The following FARS2 variants were observed in gnomAD, a reference collection of about 807,000 sequenced individuals.
FARS2 encodes phenylalanyl-tRNA synthetase 2, mitochondrial, also known as phenylalanine--tRNA ligase, mitochondrial.
A neutral mutation model predicts 46.4 loss-of-function variants in FARS2; 40 were observed. The observed-to-expected ratio is 0.86, with a 90% CI of 0.67 to 1.12. The LOEUF (loss-of-function observed/expected upper bound fraction) is 1.12, where lower values mean the gene tolerates loss of function less well. Ranked by LOEUF, FARS2 falls within the 50% of genes most tolerant of loss-of-function variation. The pLI is 0.00. For missense variants in FARS2, 513 were observed against 567.9 expected, an observed-to-expected ratio of 0.90 and a Z score of 0.98; for synonymous variants, 234 against 214.9, an observed-to-expected ratio of 1.09 and a Z score of -0.78.
intron 1 of FARS2, among the ~76,000 whole-genome samples, chr6:5,325,887 A>G (rs1281585247): frequency 6.6e-6 from 1 of 152,216 alleles, no homozygotes; most frequent in Non-Finnish European, 1.5e-5. Flanking sequence ...AATTTTAAGC[A>G]TCACTAATAT....
intron 1 of FARS2, among the ~76,000 whole-genome samples, chr6:5,299,045 T>C (rs1768098446): frequency 1.3e-5 from 2 of 152,210 alleles, no homozygotes; most frequent in East Asian, 3.8e-4. Flanking sequence ...AATGATATAG[T>C]GTGGGTTGCT....
intron 1 of FARS2, among the ~76,000 whole-genome samples, chr6:5,297,508 T>TGTG (rs544542714): frequency 4.6e-5 from 7 of 152,042 alleles, no homozygotes; most frequent in Non-Finnish European, 1.0e-4. Context: ...ATTAGCCGGC[T>TGTG]GTGGTGGTGG....
intron 4 of FARS2, among the ~76,000 whole-genome samples, chr6:5,496,021 C>G (rs1374282503): frequency 6.6e-6 from 1 of 152,152 alleles, no homozygotes; most frequent in Admixed American, 6.5e-5. Context: ...TTACTATGAC[C>G]TGCTTTTCCC....
chr6:5,337,661 TTTTA>T (rs1159452688), intron 1 of FARS2, among the ~76,000 whole-genome samples: 1 of 152,196 alleles, frequency 6.6e-6, no homozygotes, highest in Non-Finnish European at 1.5e-5. Context: ...TTCACCAAGC[TTTTA>T]TTTGTTCTAA....
intron 1 of FARS2, among the ~76,000 whole-genome samples, chr6:5,268,418 A>G (rs1191354867): frequency 2.6e-5 from 4 of 152,240 alleles, no homozygotes; most frequent in Admixed American, 1.3e-4. Flanking sequence ...CAGCTTCTAC[A>G]TATGGCTAGC....
intron 1 of FARS2, among the ~76,000 whole-genome samples, chr6:5,344,940 A>G (rs1459247520): frequency 6.6e-6 from 1 of 151,644 alleles, no homozygotes; most frequent in Non-Finnish European, 1.5e-5. Context: ...CAGGTGCGTA[A>G]CACCACACCT....
chr6:5,690,133 G>A (rs1464572329), intron 6 of FARS2, among the ~76,000 whole-genome samples: 2 of 152,028 alleles, frequency 1.3e-5, no homozygotes, highest in South Asian at 4.1e-4. Flanking sequence ...CACACTGATG[G>A]GTCTTGACTT....
At chr6:5,578,830 AAAAC>A (rs1404285691) in intron 5 of FARS2, among the ~76,000 whole-genome samples, 5 of 60,786 alleles carry the variant, frequency 8.2e-5, no homozygotes, top group South Asian at 9.1e-4. Flanking sequence ...AAAAAAAAAA[AAAAC>A]AAAAAAAAAA....
At chr6:5,302,985 G>C (rs1177275094) in intron 1 of FARS2, among the ~76,000 whole-genome samples, 2 of 152,196 alleles carry the variant, frequency 1.3e-5, no homozygotes, top group African/African-American at 4.8e-5. Context: ...GCATTCATAA[G>C]TGTCAGATAC....
chr6:5,629,475 A>G (rs1309268680), intron 6 of FARS2, among the ~76,000 whole-genome samples: 1 of 152,152 alleles, frequency 6.6e-6, no homozygotes, highest in Non-Finnish European at 1.5e-5. Context: ...GCCCACGTAT[A>G]CAGACAGAAA....
At chr6:5,665,882 T>C (rs1195219626) in intron 6 of FARS2, among the ~76,000 whole-genome samples, 1 of 152,202 alleles carries the variant, frequency 6.6e-6, no homozygotes, top group Non-Finnish European at 1.5e-5. Context: ...AGCTTTCTGC[T>C]TCCTTTTTAG....
intron 4 of FARS2, among the ~76,000 whole-genome samples, chr6:5,489,593 A>C (rs1244697780): frequency 1.3e-5 from 2 of 152,098 alleles, no homozygotes; most frequent in African/African-American, 4.8e-5. Flanking sequence ...AGTCAGTTCA[A>C]CCCTTGTAAT....
chr6:5,706,112 A>G (rs1758739428), intron 6 of FARS2, among the ~76,000 whole-genome samples: 2 of 152,288 alleles, frequency 1.3e-5, no homozygotes, highest in Admixed American at 6.5e-5. Flanking sequence ...ATCATCAGGC[A>G]TCAGATTCTC....
chr6:5,651,765 G>T (rs746747854), intron 6 of FARS2, among the ~76,000 whole-genome samples: 6 of 152,164 alleles, frequency 3.9e-5, no homozygotes, highest in Non-Finnish European at 8.8e-5. Context: ...CTATTAGATG[G>T]TAGTCATTAT....
chr6:5,713,184 A>C (rs1759288394), intron 6 of FARS2, among the ~76,000 whole-genome samples: 1 of 152,248 alleles, frequency 6.6e-6, no homozygotes, highest in Admixed American at 6.5e-5. Context: ...TACATTTGAC[A>C]GGGAAGAAGG....
At chr6:5,556,291 G>A (rs947913502) in intron 5 of FARS2, among the ~76,000 whole-genome samples, 2 of 152,222 alleles carry the variant, frequency 1.3e-5, no homozygotes, top group Middle Eastern at 3.4e-3. Context: ...CTATGGAACA[G>A]TTTTTTCTGT....
intron 3 of FARS2, among the ~76,000 whole-genome samples, chr6:5,428,475 G>A (rs1305439039): frequency 6.6e-6 from 1 of 152,076 alleles, no homozygotes; most frequent in East Asian, 1.9e-4. Flanking sequence ...TAAAATTCAG[G>A]CCAAATATCC....
intron 6 of FARS2, among the ~76,000 whole-genome samples, chr6:5,649,436 T>C (rs1159346734): frequency 6.6e-6 from 1 of 152,222 alleles, no homozygotes; most frequent in Non-Finnish European, 1.5e-5. Context: ...GGGGCAACCC[T>C]GGAACCCTGA....
At chr6:5,726,318 C>A (rs751825290) in intron 6 of FARS2, among the ~76,000 whole-genome samples, 23 of 152,288 alleles carry the variant, frequency 1.5e-4, no homozygotes, top group Non-Finnish European at 2.4e-4. Context: ...CACCAGCAGG[C>A]CCAGTGCCAG....
Sources: allele counts gnomAD v4.1 joint callset (sites outside exome capture counted in the v4.1 genomes callset), GRCh38; gene constraint gnomAD v4.1.1; transcripts MANE v1.5; gene names NCBI Gene and HGNC (gene_info 2026-07-23, HGNC 2026-07-21).